ABLIM1: variants seen among roughly 807,000 people sequenced by gnomAD.
ABLIM1 encodes the protein actin binding LIM protein 1.
ABLIM1 carries 40 observed loss-of-function variants against 107.0 expected under a neutral mutation model. The observed-to-expected ratio is 0.37, with a 90% CI of 0.29 to 0.49. The LOEUF is 0.49. Ranked by LOEUF, ABLIM1 falls within the 20% of genes least tolerant of loss-of-function variation. The pLI is 0.97. For synonymous variants in ABLIM1, 357 were observed against 357.3 expected, an observed-to-expected ratio of 1.00 and a Z score of 0.01; for missense variants, 857 against 1,008.5, an observed-to-expected ratio of 0.85 and a Z score of 2.04.
intron 12 of ABLIM1, among the ~76,000 whole-genome samples, chr10:114,456,480 C>T (rs2062844034): frequency 6.6e-6 from 1 of 152,184 alleles, no homozygotes; most frequent in Non-Finnish European, 1.5e-5. Context: ...TCAACTTTTA[C>T]TACTGCTTCT....
chr10:114,470,013 G>A (rs1002063475), intron 10 of ABLIM1, among the ~76,000 whole-genome samples: 4 of 152,178 alleles, frequency 2.6e-5, no homozygotes, highest in African/African-American at 9.7e-5. Context: ...TCTCAGCTGG[G>A]TGAAGGCTGG....
At chr10:114,630,502 A>T (rs1472131815) in intron 1 of ABLIM1, among the ~76,000 whole-genome samples, 1 of 152,188 alleles carries the variant, frequency 6.6e-6, no homozygotes, top group Non-Finnish European at 1.5e-5. Context: ...ATTACTAAAG[A>T]TCTATAGGAG....
chr10:114,789,658 C>T, the ABLIM1 span, among the ~76,000 whole-genome samples: 6 of 152,180 alleles, frequency 3.9e-5, no homozygotes, highest in African/African-American at 4.8e-5. Flanking sequence ...TTTTGATTTA[C>T]ATTGCTCCAA....
intron 17 of ABLIM1, among the ~76,000 whole-genome samples, chr10:114,442,549 TAAACC>T (rs1359472619): frequency 6.6e-6 from 1 of 152,230 alleles, no homozygotes; most frequent in Non-Finnish European, 1.5e-5. Flanking sequence ...TAAAGATTTG[TAAACC>T]ACCGAATCCA....
intron 15 of ABLIM1, among the ~76,000 whole-genome samples, chr10:114,445,607 T>C (rs1170388157): frequency 6.6e-6 from 1 of 152,194 alleles, no homozygotes; most frequent in African/African-American, 2.4e-5. Context: ...TGGCCCTGTG[T>C]GACAAGCCAG....
rs61207042 is a variant in ABLIM1, at chr10:114,757,521, T to G, written c.-213+10540A>C. On this transcript the variant is annotated intron_variant, in intron 1 of 15. Coordinates refer to the ABLIM1 transcript ENST00000651092. ...GCTATCCTCCCAGTTGCTGAAAGAATTGGAGAGATCTAAGATTCCCCTCTT... is the reference window on the plus strand; with the variant it reads ...GCTATCCTCCCAGTTGCTGAAAGAAGTGGAGAGATCTAAGATTCCCCTCTT... Among the ~76,000 whole-genome samples, 7 of 152,186 alleles carry G rather than the reference T, an allele frequency of 4.6e-5. No homozygotes were observed. The East Asian group carries it at 1.3e-3, about 29-fold the overall frequency.
At position 114,519,121 on chromosome 10, in the gene ABLIM1, A is replaced by C. The variant is rs530730110; in HGVS notation, c.894+25884T>G. ...ACAGCAAGCAGAGAAGTAGTTCAAG[A>C]GGCAGCCTGGGGGAGGTGCAGAGGG... is the stretch of plus-strand genomic sequence containing the variant. On this transcript the variant is annotated intron_variant, in intron 6 of 22. Coordinates refer to ENST00000533213, the MANE Select transcript of ABLIM1 (RefSeq NM_002313.7). Among the ~76,000 whole-genome samples, 213 of 152,266 alleles carry C rather than the reference A, an allele frequency of 1.4e-3. 2 individuals are homozygous for C. Among genetic ancestry groups the C allele is most frequent in the African/African-American group, 5.0e-3 (208 of 41,548 alleles).
intron 4 of ABLIM1, among the ~76,000 whole-genome samples, chr10:114,570,819 A>G (rs2483564): frequency 0.77 from 116,175 of 151,774 alleles, 45,368 homozygotes; most frequent in African/African-American, 0.91. Flanking sequence ...ATGTTGCCCA[A>G]GCTGTTTTTA....
chr10:114,720,608 G>A (rs953253762), intron 1 of ABLIM1, among the ~76,000 whole-genome samples: 2 of 152,138 alleles, frequency 1.3e-5, no homozygotes, highest in Admixed American at 1.3e-4. Context: ...AACACAGAGA[G>A]AGATCTTTGG....
chr10:114,729,758 T>C (rs12761207), intron 1 of ABLIM1, among the ~76,000 whole-genome samples: 51,835 of 152,052 alleles, frequency 0.34, 10,745 homozygotes, highest in Non-Finnish European at 0.47. Context: ...GCCTGTGGTC[T>C]ACTGCTCTGC....
chr10:114,587,154 G>A (rs1308301745), intron 2 of ABLIM1, among the ~76,000 whole-genome samples: 1 of 152,156 alleles, frequency 6.6e-6, no homozygotes, highest in Non-Finnish European at 1.5e-5. Flanking sequence ...TTTTAAACAG[G>A]CTAATTCTTG....
intron 4 of ABLIM1, among the ~76,000 whole-genome samples, chr10:114,560,429 T>G (rs1565935779): frequency 6.6e-6 from 1 of 152,246 alleles, no homozygotes; most frequent in Non-Finnish European, 1.5e-5. Flanking sequence ...CCTATCGCCT[T>G]GTGACACTGT....
In ABLIM1 at chr10:114,465,854, G is replaced by T. The variant is rs941857; in HGVS notation, c.1312-27C>A. The T allele has an allele frequency of 7.4e-4, 1,192 of 1,612,962 alleles. 9 individuals are homozygous for T. In the African/African-American group the frequency reaches 0.014, roughly 19 times the overall value. ...TGGAAACAAAGTTCAACACATTCAG[G>T]CTATCACCATGCCTCAGTAGGAACC... On this transcript the variant is annotated intron_variant, in intron 11 of 22. Coordinates refer to ENST00000533213, the MANE Select transcript of ABLIM1 (RefSeq NM_002313.7).
chr10:114,601,724 CT>C (rs1268303650), intron 2 of ABLIM1, 102 bp downstream of exon 2: 1 of 1,564,932 alleles, frequency 6.4e-7, no homozygotes, highest in African/African-American at 1.4e-5. Context: ...AGAGCATTCG[CT>C]TATCATCCAG....
At chr10:114,799,995 G>A in the ABLIM1 span, among the ~76,000 whole-genome samples, 1 of 152,078 alleles carries the variant, frequency 6.6e-6, no homozygotes, top group Non-Finnish European at 1.5e-5. Flanking sequence ...GGCTGGTCTC[G>A]AACCCCTGAG....
At chr10:114,450,585 G>A (rs574983476) in intron 14 of ABLIM1, among the ~76,000 whole-genome samples, 35 of 151,586 alleles carry the variant, frequency 2.3e-4, no homozygotes, top group Admixed American at 6.6e-4. Flanking sequence ...ACAGGTGTGC[G>A]CCACCACGCC....
At chr10:114,780,425 G>C in the ABLIM1 span, among the ~76,000 whole-genome samples, 1 of 152,148 alleles carries the variant, frequency 6.6e-6, no homozygotes, top group Admixed American at 6.5e-5. Context: ...AGACAAAAAG[G>C]GCTGGGGAAG....
At chr10:114,468,272 T>C (rs565443525) in intron 10 of ABLIM1, 56 bp from the exon 11 acceptor site, 26 of 1,441,338 alleles carry the variant, frequency 1.8e-5, no homozygotes, top group East Asian at 4.6e-5. Flanking sequence ...TTTGCCGTTT[T>C]GTTTGTTTGT....
At chr10:114,701,106 G>A (rs1182881586) in intron 1 of ABLIM1, among the ~76,000 whole-genome samples, 1 of 151,980 alleles carries the variant, frequency 6.6e-6, no homozygotes, top group Non-Finnish European at 1.5e-5. Context: ...AAATAATGCA[G>A]GTTAAAAACA....
Sources: allele counts gnomAD v4.1 joint callset (sites outside exome capture counted in the v4.1 genomes callset), GRCh38; gene constraint gnomAD v4.1.1; transcripts MANE v1.5; gene names NCBI Gene and HGNC (gene_info 2026-07-23, HGNC 2026-07-21).